The following SHISA7 variants were observed in gnomAD, a reference collection of about 807,000 sequenced individuals.
The protein encoded by SHISA7 is protein shisa-7.
A neutral mutation model predicts 23.9 loss-of-function variants in SHISA7; 6 were observed. The observed-to-expected ratio is 0.25, with a 90% CI of 0.14 to 0.50. The LOEUF (loss-of-function observed/expected upper bound fraction) is 0.50. Among genes scored for constraint, SHISA7 ranks in the 20% least tolerant of loss-of-function variants. The probability of loss-of-function intolerance (pLI) is 0.98; values close to 1 mark genes in which losing one functional copy is unlikely to be tolerated. For missense variants in SHISA7, 671 were observed against 801.1 expected (o/e 0.84, Z 1.96); for synonymous variants, 386 against 398.3 (o/e 0.97, Z 0.37).
At chr19:55,442,156 C>G in intron 1 of SHISA7, 37 bp downstream of exon 1, 1 of 1,495,338 alleles carries the variant, frequency 6.7e-7, no homozygotes, top group Non-Finnish European at 8.9e-7. Context: ...GGGCCCCGCC[C>G]CAGGCTCGCA....
intron 3 of SHISA7, among the ~76,000 whole-genome samples, chr19:55,434,619 G>A (rs1985338965): frequency 9.2e-6 from 1 of 109,080 alleles, no homozygotes; most frequent in Non-Finnish European, 1.9e-5. Context: ...GTGGTATGGC[G>A]TGTGTGTGTG....
intron 2 of SHISA7, among the ~76,000 whole-genome samples, chr19:55,438,074 C>T (rs1244740743): frequency 2.1e-5 from 3 of 142,814 alleles, no homozygotes; most frequent in Non-Finnish European, 3.1e-5. Context: ...GGCGTCCAGG[C>T]CCCCAGCCCC....
intron 3 of SHISA7, 137 bp downstream of exon 3, chr19:55,437,468 C>G: frequency 8.5e-7 from 1 of 1,178,170 alleles, no homozygotes. Flanking sequence ...CAGGTAATTC[C>G]AGAACGAACT....
chr19:55,432,894 AAC>A lies in SHISA7; in HGVS notation c.*260_*261del, dbSNP rs1985244328. The A allele has an allele frequency of 4.2e-6, 2 of 473,632 alleles. No homozygotes were observed. The highest frequency in any genetic ancestry group is 4.3e-5 in the Admixed American group (1 of 23,484). The allele number at this position is 473,632 out of a possible 1,614,324, so 29.3% of individuals were successfully genotyped here. A position where few individuals can be genotyped will look rare whatever the true frequency, so the allele number is the denominator to read the frequency against. ...CTTTGTCCCTGTGATGACATCACAG[AAC>A]ACAGACATTTTTGCTAGTGATGACC... is the stretch of plus-strand genomic sequence containing the variant. On this transcript the variant is annotated 3_prime_UTR_variant, in exon 4 of 4. Coordinates refer to ENST00000376325, the MANE Select transcript of SHISA7 (RefSeq NM_001145176.2). The surrounding 1 kb of genome is among the most constrained non-coding windows in gnomAD (Gnocchi z 4.6).
Position 55,431,931 on chromosome 19 carries a change from C to T in SHISA7, c.*1225G>A, listed in dbSNP as rs1204625002. 6.6e-6 allele frequency: 1 copy of T among 152,220 alleles called. No homozygotes were observed. Among genetic ancestry groups the T allele is most frequent in the Admixed American group, 6.5e-5 (1 of 15,278 alleles). The allele number at this position is 152,220 out of a possible 1,614,324, so 9.4% of individuals were successfully genotyped here. A position where few individuals can be genotyped will look rare whatever the true frequency, so the allele number is the denominator to read the frequency against. The stretch of plus-strand genomic sequence containing the variant: ...CCCCTCAGAGGGTCTGGCAGAGATC[C>T]TGCTGGACATGTCCCTGGAGTCTGG... On this transcript the variant is annotated 3_prime_UTR_variant, in exon 4 of 4. Transcript: ENST00000376325.
intron 2 of SHISA7, 86 bp from the exon 3 acceptor site, chr19:55,437,840 C>T: frequency 6.9e-7 from 1 of 1,441,710 alleles, no homozygotes; most frequent in Non-Finnish European, 9.2e-7. Flanking sequence ...CTCCATCAGA[C>T]CCAGGAGTCC....
rs1338495615 is a variant in SHISA7, at chr19:55,442,933, G to A, written c.-70C>T. ...ACGAGAGCAGAGGTTGGAGCGCTGG[G>A]CGGGAGAGAAACGGTCAGAGGGTGA... is the stretch of plus-strand genomic sequence containing the variant. On this transcript the variant is annotated 5_prime_UTR_variant, in exon 1 of 4. Coordinates refer to ENST00000376325, the MANE Select transcript of SHISA7 (RefSeq NM_001145176.2). 3 of 1,042,634 alleles carry A rather than the reference G, an allele frequency of 2.9e-6. No homozygotes were observed. Among genetic ancestry groups the A allele is most frequent in the Non-Finnish European group, 2.4e-6 (2 of 847,810 alleles). The allele number at this position is 1,042,634 out of a possible 1,614,324, so 64.6% of individuals were successfully genotyped here. A position where few individuals can be genotyped will look rare whatever the true frequency, so the allele number is the denominator to read the frequency against.
At chr19:55,434,227 G>T (rs905438504) in intron 3 of SHISA7, among the ~76,000 whole-genome samples, 2 of 152,100 alleles carry the variant, frequency 1.3e-5, no homozygotes, top group African/African-American at 2.4e-5. Context: ...GGGAATCAGG[G>T]GTAAGTGTTG....
intron 3 of SHISA7, among the ~76,000 whole-genome samples, chr19:55,435,589 C>CGAA (rs1985440609): frequency 1.5e-5 from 1 of 66,442 alleles, no homozygotes; most frequent in Non-Finnish European, 2.8e-5. Flanking sequence ...TCCATCTCTA[C>CGAA]AAAAAAAAAA....
At position 55,438,441 on chromosome 19, in the gene SHISA7, G is replaced by A. The variant is rs1378184806; in HGVS notation, c.827-687C>T. ...CCTGGCCAGACCATGAGCGCCATGAGGACTGGGCTCACAGGGGTCTCACTC... is the reference window on the plus strand; with the variant it reads ...CCTGGCCAGACCATGAGCGCCATGAAGACTGGGCTCACAGGGGTCTCACTC... On this transcript the variant is annotated intron_variant, in intron 2 of 3. Transcript: ENST00000376325. The A allele has an allele frequency of 7.9e-6, 7 of 883,868 alleles. No individual in the cohort carries two copies. In the Admixed American group the frequency reaches 1.7e-4, roughly 22 times the overall value. The allele number at this position is 883,868 out of a possible 1,614,324, so 54.8% of individuals were successfully genotyped here.
chr19:55,433,591 G>A lies in SHISA7; in HGVS notation c.1182C>T (p.Gly394=). 6.7e-7 allele frequency: 1 copy of A among 1,498,342 alleles called. No individual in the cohort carries two copies. Among genetic ancestry groups the A allele is most frequent in the East Asian group, 2.8e-5 (1 of 35,262 alleles). The allele number at this position is 1,498,342 out of a possible 1,614,324, so 92.8% of individuals were successfully genotyped here. Residue 394 remains glycine, a synonymous_variant, in exon 4 of 4, where the codon GGC becomes GGT. Coordinates refer to ENST00000376325, the MANE Select transcript of SHISA7 (RefSeq NM_001145176.2). The surrounding 1 kb of genome is among the most constrained non-coding windows in gnomAD (Gnocchi z 8.4). The part of the protein sequence containing the change: ...MSQEHLLGDG[G]RSRYEFTLPR... ...GCAGCGTGAACTCGTAGCGCGAACGGCCACCATCGCCCAGCAGGTGCTCCT... is the reference window on the plus strand; with the variant it reads ...GCAGCGTGAACTCGTAGCGCGAACGACCACCATCGCCCAGCAGGTGCTCCT...
rs1244111900 is a variant in SHISA7 at position 55,432,127 on chromosome 19, T to C, written c.*1029A>G. 2.0e-5 allele frequency: 3 copies of C among 152,604 alleles called. No individual in the cohort carries two copies. Among genetic ancestry groups the C allele is most frequent in the African/African-American group, 7.2e-5 (3 of 41,412 alleles). 9.5% of individuals were successfully genotyped at this position (152,604 alleles called of 1,614,324 possible). A position where few individuals can be genotyped will look rare whatever the true frequency, so the allele number is the denominator to read the frequency against. ...TGCCAACAGCCTACACAGACCATCATCTCTGGAGGAGGCCCTCCACATGGG... is the reference window on the plus strand; with the variant it reads ...TGCCAACAGCCTACACAGACCATCACCTCTGGAGGAGGCCCTCCACATGGG... On this transcript the variant is annotated 3_prime_UTR_variant, in exon 4 of 4. Transcript: ENST00000376325. This position sits in a 1 kb window ranked among gnomAD's most constrained non-coding sequence, Gnocchi z 4.6.
rs1304414526 is a variant in SHISA7 at position 55,432,869 on chromosome 19, C to T, written c.*287G>A. 1.2e-5 allele frequency: 5 copies of T among 403,474 alleles called. No individual in the cohort carries two copies. The highest frequency in any genetic ancestry group is 2.2e-5 in the Non-Finnish European group (5 of 225,162). 25.0% of individuals were successfully genotyped at this position (403,474 alleles called of 1,614,324 possible). A position where few individuals can be genotyped will look rare whatever the true frequency, so the allele number is the denominator to read the frequency against. On this transcript the variant is annotated 3_prime_UTR_variant, in exon 4 of 4. Transcript: ENST00000376325. The surrounding 1 kb of genome is among the most constrained non-coding windows in gnomAD (Gnocchi z 4.6). ...CTGTGATGACCTCATGGGAACGAGGCTTTGTCCCTGTGATGACATCACAGA... is the reference window on the plus strand; with the variant it reads ...CTGTGATGACCTCATGGGAACGAGGTTTTGTCCCTGTGATGACATCACAGA...
At chr19:55,436,156 A>G (rs918388463) in intron 3 of SHISA7, among the ~76,000 whole-genome samples, 4 of 151,826 alleles carry the variant, frequency 2.6e-5, no homozygotes, top group African/African-American at 4.8e-5. Flanking sequence ...GAGTGGTGGC[A>G]TGTGCCTGTA....
intron 3 of SHISA7, among the ~76,000 whole-genome samples, chr19:55,435,236 GC>G (rs759391200): frequency 1.0e-4 from 11 of 107,550 alleles, no homozygotes; most frequent in East Asian, 2.7e-4. Context: ...ATGTGTGTGT[GC>G]GTGTGTGCGT....
rs1234984545 is a variant in SHISA7, at chr19:55,433,686, T to A, written c.1087A>T (p.Met363Leu). 2 of 1,482,170 alleles carry A rather than the reference T, an allele frequency of 1.3e-6. No individual in the cohort carries two copies. The highest frequency in any genetic ancestry group is 8.9e-7 in the Non-Finnish European group (1 of 1,124,052). 91.8% of individuals were successfully genotyped at this position (1,482,170 alleles called of 1,614,324 possible). A position where few individuals can be genotyped will look rare whatever the true frequency, so the allele number is the denominator to read the frequency against. Residue 363 changes from methionine (M) to leucine (L), a missense_variant, in exon 4 of 4, where the codon ATG becomes TTG. By Grantham distance (15) the Met-to-Leu change is conservative. Around this residue, in one of 5 missense-constraint regions of SHISA7, gnomAD observed 457 missense variants for 488.3 expected, o/e 0.94. Coordinates refer to ENST00000376325, the MANE Select transcript of SHISA7 (RefSeq NM_001145176.2). The surrounding 1 kb of genome is among the most constrained non-coding windows in gnomAD (Gnocchi z 8.4). ...RRPGTGGGYR[M>L]EAWGGPEELG... is the part of the protein sequence containing the mutation. ...TCCTCTGGGCCGCCCCAGGCCTCCA[T>A]GCGATAGCCGCCCCCCGTGCCCGGC...
chr19:55,434,712 GTGTGTGGT>G (rs1414889783), intron 3 of SHISA7, among the ~76,000 whole-genome samples: 5 of 117,444 alleles, frequency 4.3e-5, no homozygotes, highest in Admixed American at 3.5e-4. Context: ...TGTGGTGTGG[GTGTGTGGT>G]TGTGTGGTGT....
Position 55,442,539 on chromosome 19 carries a change from T to C in SHISA7, c.325A>G (p.Thr109Ala). Reference protein sequence around the residue: ...STGSYRFCCGTCHYRFCCEHR... With the variant: ...STGSYRFCCGACHYRFCCEHR... ...TCACAGCAGAAGCGGTAGTGGCAGGTGCCACAGCAGAAGCGGTAGGAGCCG... is the reference window on the plus strand; with the variant it reads ...TCACAGCAGAAGCGGTAGTGGCAGGCGCCACAGCAGAAGCGGTAGGAGCCG... Residue 109 changes from threonine to alanine, a missense_variant, in exon 1 of 4, where the codon ACC (threonine) becomes GCC (alanine). Coordinates refer to ENST00000376325, the MANE Select transcript of SHISA7 (RefSeq NM_001145176.2). The C allele has an allele frequency of 6.9e-7, 1 of 1,451,404 alleles. No homozygotes were observed. Among genetic ancestry groups the C allele is most frequent in the Non-Finnish European group, 9.1e-7 (1 of 1,099,696 alleles). The allele number at this position is 1,451,404 out of a possible 1,614,324, so 89.9% of individuals were successfully genotyped here.
At chr19:55,438,877 C>A (rs74352171) in intron 2 of SHISA7, among the ~76,000 whole-genome samples, 3 of 151,612 alleles carry the variant, frequency 2.0e-5, no homozygotes, top group Admixed American at 2.0e-4. Flanking sequence ...AGCACCCCCC[C>A]CCCTGGTGCC....
Sources: gnomAD v4.1 joint callset for allele counts (sites outside exome capture counted in the v4.1 genomes callset) on GRCh38, gnomAD v4.1.1 for gene constraint, gnomAD v4.1.1 regional missense constraint, Gnocchi (gnomAD v3.1) non-coding constraint, MANE v1.5 for transcripts, NCBI Gene and HGNC (gene_info 2026-07-23, HGNC 2026-07-21) for gene names.